The following SESTD1 variants were observed in gnomAD, a reference collection of about 807,000 sequenced individuals.
The protein encoded by SESTD1 is SEC14 domain and spectrin repeat-containing protein 1.
SESTD1 carries 43 observed loss-of-function variants against 101.7 expected under a neutral mutation model. That is an observed-to-expected ratio of 0.42 (90% CI 0.33 to 0.55). The LOEUF is 0.55. Among genes scored for constraint, SESTD1 ranks in the 20% least tolerant of loss-of-function variants. The probability of loss-of-function intolerance (pLI) is 0.07; values close to 1 mark genes in which losing one functional copy is unlikely to be tolerated. For synonymous variants in SESTD1, 283 were observed against 286.8 expected, an observed-to-expected ratio of 0.99 and a Z score of 0.13; for missense variants, 647 against 815.1, an observed-to-expected ratio of 0.79 and a Z score of 2.51.
chr2:179,229,349 C>T lies in SESTD1; in HGVS notation c.-26+35150G>A, dbSNP rs76951406. ...TCTCTATCTGCCTTATAGCTTGAAA[C>T]ATCAGTTTTCTCCTACCCTTGGGCT... On this transcript the variant is annotated intron_variant, in intron 1 of 17. Coordinates refer to ENST00000428443, the MANE Select transcript of SESTD1 (RefSeq NM_178123.5). Among the ~76,000 whole-genome samples the T allele has an allele frequency of 2.8e-3, 430 of 152,182 alleles. 2 individuals are homozygous for T. The highest frequency in any genetic ancestry group is 0.01 in the African/African-American group (417 of 41,540).
chr2:179,157,879 T>C (rs903157025), intron 5 of SESTD1, among the ~76,000 whole-genome samples: 22 of 152,294 alleles, frequency 1.4e-4, no homozygotes, highest in Admixed American at 3.9e-4. Flanking sequence ...CCAGAGACAG[T>C]TGTGTAATGC....
rs909154400 is a variant in SESTD1 at position 179,101,867 on chromosome 2, T to C, written c.*8032A>G. Reference sequence around the variant, plus strand: ...TAACAAATGTACAATGTCTTCTATATATTTTTTTGCTTGTATGTTGAACTG... The same window carrying C: ...TAACAAATGTACAATGTCTTCTATACATTTTTTTGCTTGTATGTTGAACTG... On this transcript the variant is annotated 3_prime_UTR_variant, in exon 18 of 18. Transcript: ENST00000428443. 2.6e-5 allele frequency: 4 copies of C among 152,170 alleles called. No individual in the cohort carries two copies. Among genetic ancestry groups the C allele is most frequent in the Admixed American group, 6.6e-5 (1 of 15,262 alleles). 9.4% of individuals were successfully genotyped at this position (152,170 alleles called of 1,614,324 possible). A position where few individuals can be genotyped will look rare whatever the true frequency, so the allele number is the denominator to read the frequency against.
At chr2:179,202,260 C>T (rs566118603) in intron 1 of SESTD1, among the ~76,000 whole-genome samples, 2 of 133,058 alleles carry the variant, frequency 1.5e-5, no homozygotes, top group African/African-American at 3.0e-5. Context: ...TGCTGTGTCC[C>T]GCTACTTTCT....
chr2:179,238,465 T>C (rs1229158852), intron 1 of SESTD1, among the ~76,000 whole-genome samples: 1 of 152,232 alleles, frequency 6.6e-6, no homozygotes, highest in Non-Finnish European at 1.5e-5. Flanking sequence ...TTACAGCTTA[T>C]ACATTTAGAA....
At chr2:179,226,037 C>T (rs2046880936) in intron 1 of SESTD1, among the ~76,000 whole-genome samples, 1 of 152,076 alleles carries the variant, frequency 6.6e-6, no homozygotes, top group Admixed American at 6.5e-5. Context: ...TTTATTATTT[C>T]CTATGTTTCT....
Position 179,115,197 on chromosome 2 carries a change from C to T in SESTD1, c.1707G>A (p.Leu569=), listed in dbSNP as rs151165171. The part of the protein sequence containing the change: ...LQATVVLCQS[L]RCTSRSSGDT... ...CCCCAGATGACCGAGAAGTGCAGCG[C>T]AAAGATTGGCATAACACAACTGTGG... is the stretch of plus-strand genomic sequence containing the variant. Residue 569 remains leucine (L), a synonymous_variant, in exon 16 of 18, where the codon TTG becomes TTA. Transcript: ENST00000428443. 55 of 1,613,476 alleles carry T rather than the reference C, an allele frequency of 3.4e-5. No individual in the cohort carries two copies. The highest frequency in any genetic ancestry group is 4.5e-5 in the Non-Finnish European group (53 of 1,179,904).
intron 9 of SESTD1, among the ~76,000 whole-genome samples, chr2:179,142,290 CTAGAG>C (rs2105439930): frequency 6.6e-6 from 1 of 152,318 alleles, no homozygotes; most frequent in East Asian, 1.9e-4. Context: ...CACTAGACCT[CTAGAG>C]TAGAGTCTAG....
At chr2:179,199,804 T>C (rs1487433473) in intron 1 of SESTD1, among the ~76,000 whole-genome samples, 1 of 152,172 alleles carries the variant, frequency 6.6e-6, no homozygotes, top group Non-Finnish European at 1.5e-5. Context: ...TGGGACATAT[T>C]TCAAAATAAT....
Position 179,151,353 on chromosome 2 carries a change from T to C in SESTD1, c.408A>G (p.Ile136Met). 6.2e-7 allele frequency: 1 copy of C among 1,606,504 alleles called. No homozygotes were observed. Among genetic ancestry groups the C allele is most frequent in the Admixed American group, 1.7e-5 (1 of 58,802 alleles). ...AATCTTCTGTTAATTGGCATGGTTC[T>C]ATATAACGAGTCAATTTGTTGGCGG... Reference protein sequence around the residue: ...LVSANKLTRYIEPCQLTEDFG... With the variant: ...LVSANKLTRYMEPCQLTEDFG... Residue 136 changes from isoleucine to methionine, a missense_variant, in exon 6 of 18, where the codon ATA becomes ATG. This residue lies in a region of SESTD1 where 168 missense variants were observed against 235.1 expected (regional missense o/e 0.71). Transcript: ENST00000428443.
chr2:179,208,131 G>A (rs2046611844), intron 1 of SESTD1, among the ~76,000 whole-genome samples: 1 of 134,524 alleles, frequency 7.4e-6, no homozygotes, highest in Non-Finnish European at 1.6e-5. Flanking sequence ...AAGGACTTCA[G>A]AGCTCAAAGA....
At chr2:179,136,421 C>T (rs557705980) in intron 9 of SESTD1, among the ~76,000 whole-genome samples, 35 of 152,068 alleles carry the variant, frequency 2.3e-4, no homozygotes, top group African/African-American at 7.5e-4. Context: ...CTACTGTATC[C>T]GACACTTTAA....
At chr2:179,212,425 G>A (rs1482902551) in intron 1 of SESTD1, among the ~76,000 whole-genome samples, 8 of 136,338 alleles carry the variant, frequency 5.9e-5, no homozygotes, top group Non-Finnish European at 9.5e-5. Context: ...AAACTGTGAG[G>A]CAGCAGCCTG....
At chr2:179,195,866 T>A (rs1253198167) in intron 1 of SESTD1, among the ~76,000 whole-genome samples, 3 of 151,132 alleles carry the variant, frequency 2.0e-5, no homozygotes, top group Non-Finnish European at 2.9e-5. Flanking sequence ...AAAAAAAGAC[T>A]TCGTATGAGA....
intron 9 of SESTD1, among the ~76,000 whole-genome samples, chr2:179,132,806 C>T (rs2045041649): frequency 6.6e-6 from 1 of 152,134 alleles, no homozygotes; most frequent in Admixed American, 6.5e-5. Context: ...TCTTAACTAA[C>T]ATTTAAGAAA....
intron 17 of SESTD1, among the ~76,000 whole-genome samples, chr2:179,110,763 A>T (rs1287281092): frequency 6.6e-6 from 1 of 152,214 alleles, no homozygotes; most frequent in Non-Finnish European, 1.5e-5. Context: ...GCATAAACAG[A>T]TTACCATTAT....
intron 16 of SESTD1, among the ~76,000 whole-genome samples, chr2:179,114,579 AGAAT>A (rs2044586072): frequency 6.6e-6 from 1 of 152,246 alleles, no homozygotes; most frequent in African/African-American, 2.4e-5. Flanking sequence ...AATAAATTCT[AGAAT>A]GAATCTTTAA....
intron 1 of SESTD1, among the ~76,000 whole-genome samples, chr2:179,209,463 T>C (rs1326031828): frequency 1.5e-5 from 2 of 134,654 alleles, no homozygotes; most frequent in Non-Finnish European, 3.2e-5. Flanking sequence ...AGACAGATCA[T>C]ACGATAAGCC....
intron 5 of SESTD1, among the ~76,000 whole-genome samples, chr2:179,152,457 A>G (rs2045549816): frequency 6.6e-6 from 1 of 152,222 alleles, no homozygotes; most frequent in Non-Finnish European, 1.5e-5. Flanking sequence ...TAAAGTATGA[A>G]TTTTACTTCA....
At chr2:179,185,993 T>C (rs925969918) in intron 2 of SESTD1, among the ~76,000 whole-genome samples, 4 of 143,660 alleles carry the variant, frequency 2.8e-5, no homozygotes, top group Admixed American at 2.1e-4. Flanking sequence ...TTATATACAA[T>C]ATATAATACA....
Sources: gnomAD v4.1 joint callset for allele counts (sites outside exome capture counted in the v4.1 genomes callset) on GRCh38, gnomAD v4.1.1 for gene constraint, gnomAD v4.1.1 regional missense constraint, MANE v1.5 for transcripts, NCBI Gene and HGNC (gene_info 2026-07-23, HGNC 2026-07-21) for gene names.